The following DAGLA variants were observed in gnomAD, a reference collection of about 807,000 sequenced individuals.
DAGLA encodes the protein diacylglycerol lipase-alpha.
In DAGLA, 22 loss-of-function variants were observed where a neutral mutation model predicts 102.6. That is an observed-to-expected ratio of 0.21 (90% CI 0.15 to 0.31). DAGLA has a LOEUF of 0.31. Ranked by LOEUF, DAGLA falls within the 10% of genes least tolerant of loss-of-function variation. DAGLA has a pLI of 1.00. For missense variants in DAGLA, 927 were observed against 1,446.6 expected, an observed-to-expected ratio of 0.64 and a Z score of 5.83; for synonymous variants, 578 against 628.9, an observed-to-expected ratio of 0.92 and a Z score of 1.21.
intron 12 of DAGLA, 131 bp from the exon 13 acceptor site, chr11:61,736,139 C>G (rs2065421384): frequency 2.7e-6 from 2 of 729,998 alleles, no homozygotes; most frequent in Admixed American, 2.3e-5. Flanking sequence ...TGCCAGCCCC[C>G]ACAGCTGGGT....
chr11:61,705,117 G>A (rs996622595), intron 1 of DAGLA, among the ~76,000 whole-genome samples: 1 of 152,198 alleles, frequency 6.6e-6, no homozygotes, highest in African/African-American at 2.4e-5. Flanking sequence ...CTGAGGGTGG[G>A]ATGGGCAGCC....
At chr11:61,712,627 G>C (rs2065203431) in intron 1 of DAGLA, among the ~76,000 whole-genome samples, 1 of 152,188 alleles carries the variant, frequency 6.6e-6, no homozygotes, top group African/African-American at 2.4e-5. Flanking sequence ...ACAGCTTTCA[G>C]GCCCCTAACT....
chr11:61,731,476 C>G lies in DAGLA; in HGVS notation c.974+35C>G, dbSNP rs756177065. 10 of 1,609,072 alleles carry G rather than the reference C, an allele frequency of 6.2e-6. No homozygotes were observed. The African/African-American group carries it at 1.3e-4, about 21-fold the overall frequency. ...CCTGTCCCATCCCCCAGCGATTGCACCTCTCCTCCCGGGTGGTGTGTGAGG... is the reference window on the plus strand; with the variant it reads ...CCTGTCCCATCCCCCAGCGATTGCAGCTCTCCTCCCGGGTGGTGTGTGAGG... On this transcript the variant is annotated intron_variant, in intron 9 of 19. Transcript: ENST00000257215.
chr11:61,701,107 T>C (rs1378833732), intron 1 of DAGLA, among the ~76,000 whole-genome samples: 12 of 152,214 alleles, frequency 7.9e-5, no homozygotes, highest in Non-Finnish European at 1.6e-4. Flanking sequence ...CCAGGCCCCA[T>C]GTCCAGCCTG....
chr11:61,717,165 C>A (rs1473544773), intron 1 of DAGLA, among the ~76,000 whole-genome samples: 2 of 152,152 alleles, frequency 1.3e-5, no homozygotes, highest in African/African-American at 4.8e-5. Context: ...AGGAAGTAGC[C>A]TCTGCCCTCC....
intron 17 of DAGLA, among the ~76,000 whole-genome samples, chr11:61,739,959 G>A (rs114732183): frequency 8.5e-4 from 130 of 152,314 alleles, no homozygotes; most frequent in African/African-American, 3.1e-3. Context: ...TTAAAAGTAG[G>A]TGCCCTGGAG....
chr11:61,740,465 G>A lies in DAGLA; in HGVS notation c.1856G>A (p.Cys619Tyr). Residue 619 changes from cysteine (C) to tyrosine (Y), a missense_variant and splice_region_variant, in exon 18 of 20, where the codon TGC becomes TAC. Coordinates refer to ENST00000257215, the MANE Select transcript of DAGLA (RefSeq NM_006133.3). ...VHNHPAEQCCCCEQEEPTYFA... is the reference protein window; with the variant it reads ...VHNHPAEQCCYCEQEEPTYFA... The stretch of plus-strand genomic sequence containing the variant: ...CCCTCTGTCCATGTCCCTCTCAGCT[G>A]CTGTGAGCAGGAGGAGCCCACATAC... 1 of 1,613,490 alleles carries A rather than the reference G, an allele frequency of 6.2e-7. No homozygotes were observed. Among genetic ancestry groups the A allele is most frequent in the Non-Finnish European group, 8.5e-7 (1 of 1,179,860 alleles).
At chr11:61,687,171 A>T (rs1467262255) in intron 1 of DAGLA, among the ~76,000 whole-genome samples, 1 of 151,966 alleles carries the variant, frequency 6.6e-6, no homozygotes. Context: ...CGGCTTAGGG[A>T]GCTTGCATCA....
chr11:61,719,968 G>C (rs780068473), intron 1 of DAGLA, 144 bp from the exon 2 acceptor site: 1 of 612,050 alleles, frequency 1.6e-6, no homozygotes, highest in Non-Finnish European at 2.9e-6. Flanking sequence ...CTGCCCGGAG[G>C]TGGGTCAGCA....
At chr11:61,729,411 G>C (rs541181844) in intron 8 of DAGLA, among the ~76,000 whole-genome samples, 2 of 152,312 alleles carry the variant, frequency 1.3e-5, no homozygotes, top group East Asian at 3.9e-4. Context: ...AATCCAGTGT[G>C]TAATAGGGAA....
chr11:61,737,619 C>T (rs957882820), intron 14 of DAGLA, 68 bp from the exon 15 acceptor site: 2 of 1,411,150 alleles, frequency 1.4e-6, no homozygotes, highest in African/African-American at 1.4e-5. Flanking sequence ...TGTGGCTGGG[C>T]CCCCCGATTC....
rs776522708 is a variant in DAGLA at position 61,744,047 on chromosome 11, C to T, written c.2687C>T (p.Ala896Val). 6 of 1,612,490 alleles carry T rather than the reference C, an allele frequency of 3.7e-6. No homozygotes were observed. Among genetic ancestry groups the T allele is most frequent in the East Asian group, 4.5e-5 (2 of 44,878 alleles). ...GGGCCGGCCTCCCGCGGGGAGCTGG[C>T]GCTGCACAATGGGCGCCTGGGGGAC... ...GGGPASRGEL[A>V]LHNGRLGDSP... Residue 896 changes from alanine to valine, a missense_variant, in exon 20 of 20, where the codon GCG becomes GTG. Around this residue, in one of 4 missense-constraint regions of DAGLA, gnomAD observed 434 missense variants for 503.3 expected, o/e 0.86. Coordinates refer to ENST00000257215, the MANE Select transcript of DAGLA (RefSeq NM_006133.3).
intron 1 of DAGLA, among the ~76,000 whole-genome samples, chr11:61,716,057 G>C (rs1039066768): frequency 6.6e-6 from 1 of 152,202 alleles, no homozygotes; most frequent in Non-Finnish European, 1.5e-5. Flanking sequence ...GAGCTCAGAG[G>C]GGGAAGGAGC....
intron 5 of DAGLA, among the ~76,000 whole-genome samples, chr11:61,723,798 A>C (rs1424970416): frequency 6.6e-6 from 1 of 152,244 alleles, no homozygotes; most frequent in Non-Finnish European, 1.5e-5. Flanking sequence ...GATTTAACTG[A>C]GCTAATACCT....
At chr11:61,716,178 G>C (rs1461868419) in intron 1 of DAGLA, among the ~76,000 whole-genome samples, 1 of 152,106 alleles carries the variant, frequency 6.6e-6, no homozygotes, top group African/African-American at 2.4e-5. Flanking sequence ...TGTGGCGATG[G>C]GTACTGTGAG....
intron 3 of DAGLA, 34 bp downstream of exon 3, chr11:61,720,924 A>G (rs1350059108): frequency 1.3e-6 from 2 of 1,581,738 alleles, no homozygotes; most frequent in East Asian, 2.2e-5. Flanking sequence ...GCTGCCCCAG[A>G]CAACTCCCAC....
rs1389339535 is a variant in DAGLA at position 61,744,199 on chromosome 11, G to A, written c.2839G>A (p.Ala947Thr). The change falls in exon 20 of 20, where the codon GCT becomes ACT. Residue 947 changes from alanine (A) to threonine (T), a missense_variant. This residue lies in a region of DAGLA where 434 missense variants were observed against 503.3 expected (regional missense o/e 0.86). Transcript: ENST00000257215. ...GCCCGAGAGCCCCACCAGTGACTAC[G>A]CTGAGGGCCCCAAGTCCCCCAGCCA... ...VVPESPTSDYAEGPKSPSQQE... is the reference protein window; with the variant it reads ...VVPESPTSDYTEGPKSPSQQE... 22 of 1,612,798 alleles carry A rather than the reference G, an allele frequency of 1.4e-5. No homozygotes were observed. Among genetic ancestry groups the A allele is most frequent in the Middle Eastern group, 1.6e-4 (1 of 6,084 alleles).
chr11:61,736,232 C>A lies in DAGLA; in HGVS notation c.1291-38C>A, dbSNP rs1399042399. 14 of 1,566,658 alleles carry A rather than the reference C, an allele frequency of 8.9e-6. No individual in the cohort carries two copies. In the Admixed American group the frequency reaches 2.3e-4, roughly 26 times the overall value. ...TGTGGGTTTGCTGGTCACTGGGAGGCCTCCCACCAACACCTGCTTCTGTTC... is the reference window on the plus strand; with the variant it reads ...TGTGGGTTTGCTGGTCACTGGGAGGACTCCCACCAACACCTGCTTCTGTTC... On this transcript the variant is annotated intron_variant, in intron 12 of 19. Transcript: ENST00000257215.
intron 1 of DAGLA, among the ~76,000 whole-genome samples, chr11:61,699,253 C>G (rs1336312827): frequency 3.3e-5 from 5 of 152,194 alleles, no homozygotes. Context: ...GGCCCTGCAG[C>G]CACAGGCCAG....
Sources: allele counts gnomAD v4.1 joint callset (sites outside exome capture counted in the v4.1 genomes callset), GRCh38; gene constraint gnomAD v4.1.1; regional missense constraint gnomAD v4.1.1; transcripts MANE v1.5; gene names NCBI Gene and HGNC (gene_info 2026-07-23, HGNC 2026-07-21).